KMO: variants seen among roughly 807,000 people sequenced by gnomAD.
KMO encodes kynurenine 3-monooxygenase, also known as kynurenine 3-hydroxylase.
KMO carries 24 observed loss-of-function variants against 57.8 expected under a neutral mutation model. That is an observed-to-expected ratio of 0.42 (90% CI 0.30 to 0.58). The LOEUF (loss-of-function observed/expected upper bound fraction) is 0.58, where lower values mean the gene tolerates loss of function less well. Ranked by LOEUF, KMO falls within the 20% of genes least tolerant of loss-of-function variation. The pLI is 0.22. For missense variants in KMO, 483 were observed against 588.2 expected (o/e 0.82, Z 1.85); for synonymous variants, 210 against 193.6 (o/e 1.08, Z -0.70).
intron 1 of KMO, among the ~76,000 whole-genome samples, chr1:241,536,058 T>C (rs375063403): frequency 1.7e-4 from 26 of 152,208 alleles, no homozygotes; most frequent in African/African-American, 6.3e-4. Context: ...ATGAGTTTGA[T>C]TTCAGAACAA....
chr1:241,575,910 G>A (rs985903488), intron 10 of KMO, among the ~76,000 whole-genome samples: 1 of 151,732 alleles, frequency 6.6e-6, no homozygotes, highest in Non-Finnish European at 1.5e-5. Context: ...CTTAGATTTG[G>A]TACTAATTGT....
intron 10 of KMO, among the ~76,000 whole-genome samples, chr1:241,584,606 GT>G (rs150073476): frequency 0.18 from 27,115 of 152,012 alleles, 2,877 homozygotes; most frequent in Non-Finnish European, 0.24. Flanking sequence ...AAGAAATAGC[GT>G]TTAAAAGTTG....
In KMO at chr1:241,590,121, C is replaced by T. The variant is rs781473976; in HGVS notation, c.1200+8C>T. On this transcript the variant is annotated splice_region_variant and intron_variant, in intron 13 of 14. Coordinates refer to ENST00000366559, the MANE Select transcript of KMO (RefSeq NM_003679.5). ...ATCCCTCTCTATACAATGGTAAGGTCTGGACTGAAGACTTTTCCTCATTTT... is the reference window on the plus strand; with the variant it reads ...ATCCCTCTCTATACAATGGTAAGGTTTGGACTGAAGACTTTTCCTCATTTT... 74 of 1,609,572 alleles carry T rather than the reference C, an allele frequency of 4.6e-5. No individual in the cohort carries two copies. The highest frequency in any genetic ancestry group is 2.0e-5 in the Non-Finnish European group (24 of 1,176,026).
chr1:241,586,704 A>G lies in KMO; in HGVS notation c.983A>G (p.Asp328Gly). 1 of 1,604,820 alleles carries G rather than the reference A, an allele frequency of 6.2e-7. No individual in the cohort carries two copies. Among genetic ancestry groups the G allele is most frequent in the Non-Finnish European group, 8.5e-7 (1 of 1,176,374 alleles). ...NAGFEDCLVF[D>G]ELMDKFSNDL... ...GGCTTTGAAGACTGCTTGGTATTTG[A>G]TGAGTTAATGGATAAATTCAGTAAC... The change falls in exon 11 of 15, where the codon GAT (aspartate) becomes GGT (glycine). Residue 328 changes from aspartate (D) to glycine (G), a missense_variant. Around this residue, in one of 3 missense-constraint regions of KMO, gnomAD observed 410 missense variants for 492.3 expected, o/e 0.83. Transcript: ENST00000366559.
Position 241,583,420 on chromosome 1 carries a change from G to T in KMO, c.958-3259G>T, listed in dbSNP as rs988693296. ...TCTGCCCCAGGGTGGGTATAGAAATGCCATCCAGGAGCTAAGACCTGGAAT... is the reference window on the plus strand; with the variant it reads ...TCTGCCCCAGGGTGGGTATAGAAATTCCATCCAGGAGCTAAGACCTGGAAT... On this transcript the variant is annotated intron_variant, in intron 10 of 14. Coordinates refer to ENST00000366559, the MANE Select transcript of KMO (RefSeq NM_003679.5). Among the ~76,000 whole-genome samples the T allele has an allele frequency of 2.6e-5, 4 of 152,308 alleles. No homozygotes were observed. The East Asian group carries it at 7.7e-4, about 29-fold the overall frequency.
chr1:241,590,469 G>A (rs1663217302), intron 14 of KMO, among the ~76,000 whole-genome samples: 2 of 152,118 alleles, frequency 1.3e-5, no homozygotes, highest in Admixed American at 1.3e-4. Context: ...GCTTTTGAAG[G>A]GAAGAATCTC....
chr1:241,546,095 G>A (rs1282023283), intron 1 of KMO, among the ~76,000 whole-genome samples: 2 of 152,114 alleles, frequency 1.3e-5, no homozygotes, highest in Non-Finnish European at 2.9e-5. Flanking sequence ...AATGCAATCT[G>A]ATCAGGACTA....
Position 241,590,076 on chromosome 1 carries a change from C to A in KMO, c.1163C>A (p.Ala388Glu). 1.9e-6 allele frequency: 3 copies of A among 1,613,796 alleles called. No homozygotes were observed. Among genetic ancestry groups the A allele is most frequent in the South Asian group, 1.1e-5 (1 of 91,070 alleles). ...AAGAACATGGAGAGATTTCTTCATG[C>A]GATTATGCCATCGACCTTTATCCCT... ...FQKNMERFLH[A>E]IMPSTFIPLY... is the part of the protein sequence containing the mutation. The change falls in exon 13 of 15, where the codon GCG (alanine) becomes GAG (glutamate). Residue 388 changes from alanine (A) to glutamate (E), a missense_variant. This residue lies in a region of KMO where 410 missense variants were observed against 492.3 expected (regional missense o/e 0.83). Transcript: ENST00000366559.
intron 1 of KMO, 101 bp downstream of exon 1, chr1:241,532,599 T>G: frequency 1.2e-6 from 1 of 862,290 alleles, no homozygotes; most frequent in Non-Finnish European, 1.8e-6. Context: ...GTTAATTTTC[T>G]TGTGAAAACT....
At chr1:241,567,752 G>A (rs1662137860) in intron 9 of KMO, among the ~76,000 whole-genome samples, 1 of 152,132 alleles carries the variant, frequency 6.6e-6, no homozygotes, top group African/African-American at 2.4e-5. Flanking sequence ...AGTCTCTATG[G>A]ATCCCACCTT....
chr1:241,544,087 T>A (rs1318415580), intron 1 of KMO, among the ~76,000 whole-genome samples: 9 of 152,164 alleles, frequency 5.9e-5, no homozygotes, highest in Admixed American at 2.0e-4. Flanking sequence ...TCCTTTACTG[T>A]GGTTGAATTT....
chr1:241,545,460 C>T (rs1459791074), intron 1 of KMO, among the ~76,000 whole-genome samples: 1 of 152,136 alleles, frequency 6.6e-6, no homozygotes, highest in African/African-American at 2.4e-5. Context: ...AGGGAAAGAT[C>T]TGTTCCGGGT....
intron 11 of KMO, among the ~76,000 whole-genome samples, chr1:241,587,547 T>C (rs1037853202): frequency 2.0e-5 from 3 of 151,930 alleles, no homozygotes; most frequent in African/African-American, 7.3e-5. Flanking sequence ...AACCTCCGCC[T>C]CCTCTCCTGC....
intron 10 of KMO, among the ~76,000 whole-genome samples, chr1:241,586,167 A>G (rs993473666): frequency 2.7e-5 from 4 of 148,648 alleles, no homozygotes; most frequent in African/African-American, 9.9e-5. Context: ...CAAAGATAAC[A>G]CTGCCAAGCA....
chr1:241,536,537 C>T (rs1218612720), intron 1 of KMO: 1 of 984,940 alleles, frequency 1.0e-6, no homozygotes, highest in Non-Finnish European at 1.2e-6. Context: ...CTCAAGACAC[C>T]ATTTTTTGAC....
At chr1:241,586,621 A>G in intron 10 of KMO, 58 bp from the exon 11 acceptor site, 1 of 1,118,080 alleles carries the variant, frequency 8.9e-7, no homozygotes, top group Non-Finnish European at 1.3e-6. Flanking sequence ...AATCAATAAT[A>G]AGGGTTTCTT....
chr1:241,586,157 C>G lies in KMO; in HGVS notation c.958-522C>G, dbSNP rs111500102. On this transcript the variant is annotated intron_variant, in intron 10 of 14. Coordinates refer to ENST00000366559, the MANE Select transcript of KMO (RefSeq NM_003679.5). Reference sequence around the variant, plus strand: ...CTGTATCATATATATGTAAATTGGACAAAGATAACACTGCCAAGCATGAAG... The same window carrying G: ...CTGTATCATATATATGTAAATTGGAGAAAGATAACACTGCCAAGCATGAAG... 8.5e-3 allele frequency among the ~76,000 whole-genome samples: 1,166 copies of G among 136,902 alleles called. 11 individuals are homozygous for G. Among genetic ancestry groups the G allele is most frequent in the African/African-American group, 0.03 (1,114 of 37,612 alleles). 89.8% of individuals were successfully genotyped at this position (136,902 alleles called of 152,430 possible).
chr1:241,566,400 A>C, intron 8 of KMO, 91 bp from the exon 9 acceptor site: 1 of 848,290 alleles, frequency 1.2e-6, no homozygotes, highest in Non-Finnish European at 1.6e-6. Context: ...CTCCCTGGTC[A>C]CAGCAAGAAG....
chr1:241,543,885 C>T (rs1460497872), intron 1 of KMO, among the ~76,000 whole-genome samples: 1 of 152,154 alleles, frequency 6.6e-6, no homozygotes, highest in Non-Finnish European at 1.5e-5. Context: ...CATCTGCCAA[C>T]CTTAGAAGTA....
Sources: gnomAD v4.1 joint callset for allele counts (sites outside exome capture counted in the v4.1 genomes callset) on GRCh38, gnomAD v4.1.1 for gene constraint, gnomAD v4.1.1 regional missense constraint, MANE v1.5 for transcripts, NCBI Gene and HGNC (gene_info 2026-07-23, HGNC 2026-07-21) for gene names.